Variants in ERICH3 observed in about 807,000 individuals in gnomAD.
ERICH3 encodes glutamate rich 3, also known as glutamate-rich protein 3.
Under a neutral mutation model 131.1 loss-of-function variants are expected in ERICH3, and 126 were observed. That is an observed-to-expected ratio of 0.96 (90% CI 0.83 to 1.11). ERICH3 has a LOEUF of 1.11. Ranked by LOEUF, ERICH3 falls within the 50% of genes most tolerant of loss-of-function variation. The pLI, the probability that ERICH3 is intolerant of heterozygous loss-of-function variation, is 0.00. For synonymous variants in ERICH3, 695 were observed against 644.6 expected, an observed-to-expected ratio of 1.08 and a Z score of -1.18; for missense variants, 2,050 against 1,810.7, an observed-to-expected ratio of 1.13 and a Z score of -2.40.
In ERICH3 at chr1:74,573,502, A is replaced by G; in HGVS notation, c.2219-11T>C. ...AATTCATTGTTGGTGCTATAAAAAT[A>G]AGGTTAGAAATCAAGATTACTTTAA... On this transcript the variant is annotated splice_polypyrimidine_tract_variant and intron_variant, in intron 13 of 14. Transcript: ENST00000326665. The G allele has an allele frequency of 2.0e-6, 3 of 1,496,718 alleles. No homozygotes were observed. The highest frequency in any genetic ancestry group is 1.4e-5 in the South Asian group (1 of 70,810). 92.7% of individuals were successfully genotyped at this position (1,496,718 alleles called of 1,614,324 possible).
Position 74,596,304 on chromosome 1 carries a change from A to G in ERICH3, c.1726+3391T>C, listed in dbSNP as rs573334357. Among the ~76,000 whole-genome samples, 46 of 151,986 alleles carry G rather than the reference A, an allele frequency of 3.0e-4. 1 individual carries two copies. On this transcript the variant is annotated intron_variant, in intron 11 of 14. Transcript: ENST00000326665. Reference sequence around the variant, plus strand: ...AATCTGTCTAATCTTTCTCAAAAGGAGCTAGTTAGTCTTTTTTTTCATTAC... The same window carrying G: ...AATCTGTCTAATCTTTCTCAAAAGGGGCTAGTTAGTCTTTTTTTTCATTAC...
At chr1:74,585,460 A>T (rs1647285372) in intron 12 of ERICH3, among the ~76,000 whole-genome samples, 1 of 152,166 alleles carries the variant, frequency 6.6e-6, no homozygotes, top group African/African-American at 2.4e-5. Flanking sequence ...AATCAACCTA[A>T]AAGGTATGAA....
intron 12 of ERICH3, among the ~76,000 whole-genome samples, chr1:74,587,217 C>T (rs978782550): frequency 6.9e-6 from 1 of 145,858 alleles, no homozygotes; most frequent in Admixed American, 7.1e-5. Context: ...CTCAGCTACT[C>T]GGGAGGTTAA....
Position 74,662,673 on chromosome 1 carries a change from G to A in ERICH3, c.23+10824C>T, listed in dbSNP as rs187498225. 1.1e-4 allele frequency among the ~76,000 whole-genome samples: 16 copies of A among 152,182 alleles called. No homozygotes were observed. The East Asian group carries it at 1.5e-3, about 15-fold the overall frequency. ...AACTTAAAAACAAAAGTTAATTAGA[G>A]GCATTAACTTCTCCTTACAGGCCAG... On this transcript the variant is annotated intron_variant, in intron 1 of 14. Coordinates refer to ENST00000326665, the MANE Select transcript of ERICH3 (RefSeq NM_001002912.5).
At chr1:74,591,732 A>G (rs553616638) in intron 11 of ERICH3, among the ~76,000 whole-genome samples, 1 of 152,272 alleles carries the variant, frequency 6.6e-6, no homozygotes, top group Non-Finnish European at 1.5e-5. Context: ...AGGAAGCTGG[A>G]CAGCATAAAA....
intron 12 of ERICH3, among the ~76,000 whole-genome samples, chr1:74,584,768 G>A (rs1483214632): frequency 6.6e-6 from 1 of 152,112 alleles, no homozygotes; most frequent in African/African-American, 2.4e-5. Flanking sequence ...GGACTCTTAT[G>A]TTCACATTGA....
chr1:74,645,824 A>G (rs993587502), intron 3 of ERICH3, among the ~76,000 whole-genome samples: 2 of 152,140 alleles, frequency 1.3e-5, no homozygotes, highest in African/African-American at 4.8e-5. Context: ...AATGTAGCAT[A>G]ATAATAAATA....
chr1:74,634,577 TG>T, intron 6 of ERICH3: 1 of 669,116 alleles, frequency 1.5e-6, no homozygotes. Context: ...AAATAATACC[TG>T]ATTGATGGTG....
intron 8 of ERICH3, among the ~76,000 whole-genome samples, chr1:74,619,773 G>T (rs1184399582): frequency 6.6e-6 from 1 of 152,180 alleles, no homozygotes; most frequent in Non-Finnish European, 1.5e-5. Context: ...AACAGTTTCT[G>T]ACATCATTGA....
chr1:74,606,590 T>C lies in ERICH3; in HGVS notation c.1489+11A>G, dbSNP rs1405497014. The C allele has an allele frequency of 6.3e-7, 1 of 1,582,944 alleles. No homozygotes were observed. On this transcript the variant is annotated intron_variant, in intron 10 of 14. Transcript: ENST00000326665. The stretch of plus-strand genomic sequence containing the variant: ...ACAGCTACAACAAAAGAAACTTGTG[T>C]TGTTGATTACCATATTTTAAAGTAT...
chr1:74,658,071 A>G (rs777460898), intron 1 of ERICH3, among the ~76,000 whole-genome samples: 3 of 152,168 alleles, frequency 2.0e-5, no homozygotes, highest in Non-Finnish European at 4.4e-5. Flanking sequence ...AATTAGTATT[A>G]TCTTCCCTCT....
intron 8 of ERICH3, among the ~76,000 whole-genome samples, chr1:74,618,517 GA>G (rs1184507115): frequency 1.3e-5 from 2 of 152,080 alleles, no homozygotes; most frequent in African/African-American, 2.4e-5. Flanking sequence ...AAGAAAGCCA[GA>G]AAAAAATTGT....
chr1:74,582,081 T>C (rs78709947), intron 12 of ERICH3, among the ~76,000 whole-genome samples: 1 of 152,304 alleles, frequency 6.6e-6, no homozygotes, highest in African/African-American at 2.4e-5. Context: ...GAAGACTCTC[T>C]ACCCACCAGT....
intron 6 of ERICH3, chr1:74,634,556 C>T (rs539484583): frequency 6.3e-5 from 39 of 623,826 alleles, no homozygotes; most frequent in Middle Eastern, 2.8e-4. Flanking sequence ...GCTCCCCAGC[C>T]AGCAGAGCTT....
At chr1:74,657,203 A>G (rs2100650045) in intron 1 of ERICH3, among the ~76,000 whole-genome samples, 1 of 152,294 alleles carries the variant, frequency 6.6e-6, no homozygotes, top group East Asian at 1.9e-4. Flanking sequence ...TGATCGTACT[A>G]ACAATTTTCT....
chr1:74,658,935 C>T (rs1470216084), intron 1 of ERICH3, among the ~76,000 whole-genome samples: 1 of 152,162 alleles, frequency 6.6e-6, no homozygotes, highest in Non-Finnish European at 1.5e-5. Flanking sequence ...AAGTAAAGAG[C>T]TTAGCGCAGT....
chr1:74,614,533 C>G (rs1054221697), intron 8 of ERICH3, among the ~76,000 whole-genome samples: 1 of 151,294 alleles, frequency 6.6e-6, no homozygotes, highest in Non-Finnish European at 1.5e-5. Flanking sequence ...AAAAATTAGC[C>G]GGGCGTGGTA....
At chr1:74,657,492 T>C (rs1464582454) in intron 1 of ERICH3, among the ~76,000 whole-genome samples, 1 of 152,210 alleles carries the variant, frequency 6.6e-6, no homozygotes, top group Non-Finnish European at 1.5e-5. Flanking sequence ...TAAATGATTT[T>C]ATATTACATT....
intron 1 of ERICH3, among the ~76,000 whole-genome samples, chr1:74,667,182 T>C (rs368615309): frequency 2.6e-5 from 4 of 152,218 alleles, no homozygotes; most frequent in African/African-American, 9.7e-5. Flanking sequence ...ACTCAGCTGA[T>C]TTTCCTCTAT....
Sources: gnomAD v4.1 joint callset for allele counts (sites outside exome capture counted in the v4.1 genomes callset) on GRCh38, gnomAD v4.1.1 for gene constraint, MANE v1.5 for transcripts, NCBI Gene and HGNC (gene_info 2026-07-23, HGNC 2026-07-21) for gene names.